FBXL17: variants seen among roughly 807,000 people sequenced by gnomAD.
FBXL17 encodes F-box and leucine rich repeat protein 17.
In FBXL17, 22 loss-of-function variants were observed where a neutral mutation model predicts 66.2. That is an observed-to-expected ratio of 0.33 (90% CI 0.24 to 0.47). FBXL17 has a LOEUF of 0.47. Ranked by LOEUF, FBXL17 falls within the 20% of genes least tolerant of loss-of-function variation. The pLI, the probability that FBXL17 is intolerant of heterozygous loss-of-function variation, is 1.00. For synonymous variants in FBXL17, 474 were observed against 400.5 expected (o/e 1.18, Z -2.19); for missense variants, 878 against 948.2 (o/e 0.93, Z 0.97).
intron 4 of FBXL17, among the ~76,000 whole-genome samples, chr5:108,262,539 TA>T (rs1211591388): frequency 6.6e-6 from 1 of 152,190 alleles, no homozygotes; most frequent in Non-Finnish European, 1.5e-5. Flanking sequence ...CGTGATTTTT[TA>T]CAAGTGGGAT....
At chr5:107,984,270 AT>A (rs1183520080) in intron 7 of FBXL17, among the ~76,000 whole-genome samples, 1 of 152,210 alleles carries the variant, frequency 6.6e-6, no homozygotes, top group African/African-American at 2.4e-5. Flanking sequence ...TCACAGTCCC[AT>A]TTCCCTCTCC....
intron 4 of FBXL17, among the ~76,000 whole-genome samples, chr5:108,319,554 A>C (rs1759523675): frequency 6.6e-6 from 1 of 151,822 alleles, no homozygotes; most frequent in African/African-American, 2.4e-5. Context: ...TTAAAATACT[A>C]CTTTCAAGAT....
In FBXL17 at chr5:108,013,475, C is replaced by A. The variant is rs1754261716; in HGVS notation, c.1822+7450G>T. Among the ~76,000 whole-genome samples, 3 of 152,140 alleles carry A rather than the reference C, an allele frequency of 2.0e-5. No individual in the cohort carries two copies. In the South Asian group the frequency reaches 6.2e-4, roughly 32 times the overall value. ...TCCAAGGGTTGTTCTACCTCAAATG[C>A]CCTTCCTTCTCCTCTCTGTTCTCCC... On this transcript the variant is annotated intron_variant, in intron 7 of 8. Transcript: ENST00000542267.
intron 6 of FBXL17, among the ~76,000 whole-genome samples, chr5:108,131,909 A>G (rs1252814473): frequency 6.6e-6 from 1 of 152,092 alleles, no homozygotes; most frequent in Non-Finnish European, 1.5e-5. Flanking sequence ...TATTCAATTT[A>G]GTATTCTACT....
chr5:108,033,738 T>C (rs1746730648), intron 6 of FBXL17, among the ~76,000 whole-genome samples: 1 of 152,184 alleles, frequency 6.6e-6, no homozygotes, highest in Non-Finnish European at 1.5e-5. Context: ...CACAGAATTT[T>C]AGTTGCTCCA....
chr5:108,004,070 A>G (rs538775774), intron 7 of FBXL17, among the ~76,000 whole-genome samples: 1 of 152,302 alleles, frequency 6.6e-6, no homozygotes, highest in East Asian at 1.9e-4. Context: ...AGATATTGCA[A>G]GCAAAGAAAA....
intron 7 of FBXL17, among the ~76,000 whole-genome samples, chr5:107,893,771 T>G (rs1257874717): frequency 6.6e-6 from 1 of 152,200 alleles, no homozygotes; most frequent in African/African-American, 2.4e-5. Context: ...GGTATTTCTT[T>G]CTGGAGTTTT....
intron 3 of FBXL17, among the ~76,000 whole-genome samples, chr5:108,352,112 T>C (rs986085476): frequency 6.6e-6 from 1 of 152,352 alleles, no homozygotes; most frequent in East Asian, 1.9e-4. Flanking sequence ...TGGGGAACAG[T>C]GCCTCACAGG....
chr5:108,336,755 T>C (rs1393556514), intron 4 of FBXL17, among the ~76,000 whole-genome samples: 2 of 152,174 alleles, frequency 1.3e-5, no homozygotes, highest in African/African-American at 2.4e-5. Flanking sequence ...CAAACTATCA[T>C]TGCCATTCTT....
chr5:108,101,534 G>A (rs574834352), intron 6 of FBXL17, among the ~76,000 whole-genome samples: 16 of 152,196 alleles, frequency 1.1e-4, no homozygotes, highest in African/African-American at 3.9e-4. Flanking sequence ...GTCTATTAAT[G>A]TAACAGTTCT....
intron 4 of FBXL17, among the ~76,000 whole-genome samples, chr5:108,233,448 A>C (rs1016626757): frequency 3.3e-5 from 5 of 152,208 alleles, no homozygotes; most frequent in African/African-American, 1.2e-4. Context: ...AATAGGTAAG[A>C]ATTAGTACGC....
chr5:108,016,332 G>A (rs1754384679), intron 7 of FBXL17, among the ~76,000 whole-genome samples: 2 of 152,190 alleles, frequency 1.3e-5, no homozygotes, highest in Admixed American at 1.3e-4. Context: ...GAGTGGTACT[G>A]AGTGAGCCTG....
At chr5:108,075,174 C>G (rs753958178) in intron 6 of FBXL17, among the ~76,000 whole-genome samples, 1 of 152,168 alleles carries the variant, frequency 6.6e-6, no homozygotes, top group Non-Finnish European at 1.5e-5. Flanking sequence ...TTTATGGACT[C>G]CACCCTGAGC....
At chr5:108,241,537 C>A (rs181335114) in intron 4 of FBXL17, among the ~76,000 whole-genome samples, 28 of 151,934 alleles carry the variant, frequency 1.8e-4, no homozygotes, top group African/African-American at 6.0e-4. Context: ...AGAGCTATTG[C>A]CTTTAAAAGG....
intron 7 of FBXL17, among the ~76,000 whole-genome samples, chr5:107,964,458 T>C (rs1752039775): frequency 6.6e-6 from 1 of 152,038 alleles, no homozygotes. Context: ...TAAAATGTAA[T>C]ACAAATATAA....
At chr5:108,022,000 G>T (rs554171607) in intron 6 of FBXL17, among the ~76,000 whole-genome samples, 85 of 151,790 alleles carry the variant, frequency 5.6e-4, no homozygotes, top group Middle Eastern at 6.8e-3. Context: ...TTGCTGTCTG[G>T]CTTATTTGTA....
At chr5:108,125,444 A>C (rs912443685) in intron 6 of FBXL17, among the ~76,000 whole-genome samples, 8 of 152,068 alleles carry the variant, frequency 5.3e-5, no homozygotes, top group Non-Finnish European at 7.4e-5. Flanking sequence ...CAATAAAAGT[A>C]GGTCACGATC....
chr5:108,334,818 A>G (rs1050751518), intron 4 of FBXL17, among the ~76,000 whole-genome samples: 7 of 152,204 alleles, frequency 4.6e-5, no homozygotes, highest in Non-Finnish European at 8.8e-5. Context: ...ATGGTGTGAG[A>G]TTAGTAAAGG....
chr5:108,367,795 G>C, intron 2 of FBXL17, 36 bp downstream of exon 2: 1 of 1,519,904 alleles, frequency 6.6e-7, no homozygotes, highest in Non-Finnish European at 8.9e-7. Flanking sequence ...TTTTTGAGTA[G>C]GTCATATGAG....
Sources: allele counts gnomAD v4.1 joint callset (sites outside exome capture counted in the v4.1 genomes callset), GRCh38; gene constraint gnomAD v4.1.1; transcripts MANE v1.5; gene names NCBI Gene and HGNC (gene_info 2026-07-23, HGNC 2026-07-21).